CDC42SE2: variants seen among roughly 807,000 people sequenced by gnomAD.
The protein encoded by CDC42SE2 is CDC42 small effector protein 2.
CDC42SE2 carries 3 observed loss-of-function variants against 11.5 expected under a neutral mutation model. That is an observed-to-expected ratio of 0.26 (90% CI 0.12 to 0.67). The LOEUF is 0.67. CDC42SE2 is among the 30% of genes least tolerant of loss of function. The pLI is 0.80. For missense variants in CDC42SE2, 82 were observed against 106.8 expected (o/e 0.77, Z 1.02); for synonymous variants, 33 against 34.8 (o/e 0.95, Z 0.18).
chr5:131,306,856 T>G (rs1296882864), intron 1 of CDC42SE2, among the ~76,000 whole-genome samples: 4 of 152,168 alleles, frequency 2.6e-5, no homozygotes, highest in Non-Finnish European at 4.4e-5. Context: ...GAGGCTATTG[T>G]GAATAGAATT....
At chr5:131,353,448 A>G (rs1749414003) in intron 2 of CDC42SE2, among the ~76,000 whole-genome samples, 1 of 151,876 alleles carries the variant, frequency 6.6e-6, no homozygotes, top group Admixed American at 6.6e-5. Context: ...TGCCCAGCTA[A>G]TTTTTGTATT....
chr5:131,305,498 C>T (rs1757761932), intron 1 of CDC42SE2, among the ~76,000 whole-genome samples: 1 of 152,130 alleles, frequency 6.6e-6, no homozygotes, highest in Non-Finnish European at 1.5e-5. Context: ...CAGTTGGCAG[C>T]TTGTGATTGG....
At chr5:131,375,298 A>G (rs557021430) in intron 3 of CDC42SE2, among the ~76,000 whole-genome samples, 2 of 149,408 alleles carry the variant, frequency 1.3e-5, no homozygotes, top group African/African-American at 5.0e-5. Flanking sequence ...GCTGCAAAAT[A>G]CATACTGAGT....
At chr5:131,376,743 G>A (rs892855653) in intron 3 of CDC42SE2, among the ~76,000 whole-genome samples, 7 of 152,148 alleles carry the variant, frequency 4.6e-5, no homozygotes, top group Non-Finnish European at 8.8e-5. Flanking sequence ...GTGAGAACAT[G>A]TGGTATTATG....
intron 2 of CDC42SE2, among the ~76,000 whole-genome samples, chr5:131,352,880 G>C (rs747475374): frequency 6.6e-6 from 1 of 152,188 alleles, no homozygotes; most frequent in Non-Finnish European, 1.5e-5. Context: ...TTCTTCCAAA[G>C]TTTCTAGCAA....
rs1035318120 is a variant in CDC42SE2, at chr5:131,298,414, G to A, written c.-454-17562G>A. 2.6e-5 allele frequency among the ~76,000 whole-genome samples: 4 copies of A among 151,540 alleles called. No individual in the cohort carries two copies. In the East Asian group the frequency reaches 5.8e-4, roughly 22 times the overall value. ...TCGGATTACAGGCATGAGCCACCGC[G>A]CCCGGCATCTTTAAAATATTTTATG... On this transcript the variant is annotated intron_variant, in intron 1 of 4. Coordinates refer to ENST00000505065, the MANE Select transcript of CDC42SE2 (RefSeq NM_001375635.1).
At chr5:131,288,364 T>G (rs1392373030) in intron 1 of CDC42SE2, among the ~76,000 whole-genome samples, 1 of 152,204 alleles carries the variant, frequency 6.6e-6, no homozygotes, top group Non-Finnish European at 1.5e-5. Flanking sequence ...AGAAGATACT[T>G]AAGTGTAATT....
intron 2 of CDC42SE2, among the ~76,000 whole-genome samples, chr5:131,317,067 G>A (rs544939875): frequency 1.8e-3 from 272 of 152,052 alleles, no homozygotes; most frequent in South Asian, 3.9e-3. Context: ...TACTTGATAA[G>A]TATTTGAAAA....
At position 131,345,710 on chromosome 5, in the gene CDC42SE2, G is replaced by A. The variant is rs553622879; in HGVS notation, c.-285-13499G>A. Among the ~76,000 whole-genome samples the A allele has an allele frequency of 1.1e-4, 17 of 151,362 alleles. No individual in the cohort carries two copies. In the South Asian group the frequency reaches 2.5e-3, roughly 22 times the overall value. ...GACACATAATTGTCAGATTCACCAA[G>A]GTTGAAATGAAGGAAAAAATGTTAA... On this transcript the variant is annotated intron_variant, in intron 2 of 4. Coordinates refer to ENST00000505065, the MANE Select transcript of CDC42SE2 (RefSeq NM_001375635.1).
At chr5:131,334,856 TTTC>T (rs1449281105) in intron 2 of CDC42SE2, among the ~76,000 whole-genome samples, 3 of 152,200 alleles carry the variant, frequency 2.0e-5, no homozygotes, top group African/African-American at 7.2e-5. Flanking sequence ...TCTTCTCTCT[TTTC>T]TTCTTTATTA....
At chr5:131,284,595 T>G (rs1390596997) in intron 1 of CDC42SE2, among the ~76,000 whole-genome samples, 1 of 152,114 alleles carries the variant, frequency 6.6e-6, no homozygotes, top group African/African-American at 2.4e-5. Context: ...CTCAGCCTCC[T>G]GAGTAGTTAG....
chr5:131,289,377 G>C (rs1021075488), intron 1 of CDC42SE2, among the ~76,000 whole-genome samples: 8 of 152,158 alleles, frequency 5.3e-5, no homozygotes, highest in Non-Finnish European at 1.5e-5. Flanking sequence ...GTCATGTCAA[G>C]AGTTTGTAGC....
At chr5:131,345,646 G>A (rs533849982) in intron 2 of CDC42SE2, among the ~76,000 whole-genome samples, 2 of 152,214 alleles carry the variant, frequency 1.3e-5, no homozygotes, top group South Asian at 4.2e-4. Context: ...GAAATACAGA[G>A]AATGCCACAA....
the CDC42SE2 span, among the ~76,000 whole-genome samples, chr5:131,238,460 G>A: frequency 6.8e-6 from 1 of 146,544 alleles, no homozygotes; most frequent in African/African-American, 2.6e-5. Context: ...CCAAGATCGT[G>A]CCACTGCACT....
At chr5:131,320,821 G>A (rs756698080) in intron 2 of CDC42SE2, among the ~76,000 whole-genome samples, 8 of 152,172 alleles carry the variant, frequency 5.3e-5, no homozygotes, top group Non-Finnish European at 1.0e-4. Flanking sequence ...AATAAAAAGA[G>A]TCCCAAATTC....
chr5:131,357,623 C>T (rs543047624), intron 2 of CDC42SE2, among the ~76,000 whole-genome samples: 1 of 152,142 alleles, frequency 6.6e-6, no homozygotes, highest in African/African-American at 2.4e-5. Flanking sequence ...ATTTATATTT[C>T]GCCATTTGGG....
chr5:131,382,094 G>A (rs1750344977), intron 3 of CDC42SE2, among the ~76,000 whole-genome samples: 1 of 152,178 alleles, frequency 6.6e-6, no homozygotes, highest in Admixed American at 6.5e-5. Flanking sequence ...TCCCAGCTCA[G>A]TATAGTTCAA....
intron 4 of CDC42SE2, 61 bp from the exon 5 acceptor site, chr5:131,390,932 G>A: frequency 9.3e-7 from 1 of 1,072,922 alleles, no homozygotes; most frequent in Non-Finnish European, 1.4e-6. Context: ...GAATTACTTA[G>A]TTGCACCGGA....
chr5:131,344,654 G>C (rs922468969), intron 2 of CDC42SE2, among the ~76,000 whole-genome samples: 2 of 152,182 alleles, frequency 1.3e-5, no homozygotes, highest in Non-Finnish European at 2.9e-5. Flanking sequence ...GAGAGTAGTG[G>C]TTCTCCCAGC....
Sources: gnomAD v4.1 joint callset for allele counts (sites outside exome capture counted in the v4.1 genomes callset) on GRCh38, gnomAD v4.1.1 for gene constraint, MANE v1.5 for transcripts, NCBI Gene and HGNC (gene_info 2026-07-23, HGNC 2026-07-21) for gene names.